The following LCLAT1 variants were observed in gnomAD, a reference collection of about 807,000 sequenced individuals.
The protein encoded by LCLAT1 is 1-AGP acyltransferase 8.
Under a neutral mutation model 30.7 loss-of-function variants are expected in LCLAT1, and 11 were observed. The ratio of observed to expected loss-of-function variants is 0.36; its 90% confidence interval spans 0.23 to 0.59. LCLAT1 has a LOEUF of 0.59. LCLAT1 is among the 20% of genes least tolerant of loss of function. The probability of loss-of-function intolerance (pLI) is 0.77; values close to 1 mark genes in which losing one functional copy is unlikely to be tolerated. For synonymous variants in LCLAT1, 155 were observed against 151.3 expected (o/e 1.02, Z -0.18); for missense variants, 402 against 458.6 (o/e 0.88, Z 1.13).
chr2:30,469,574 CTTTTTT>C (rs199634493), intron 1 of LCLAT1, among the ~76,000 whole-genome samples: 2 of 103,808 alleles, frequency 1.9e-5, no homozygotes, highest in Admixed American at 1.0e-4. Context: ...CAGGTCTCTT[CTTTTTT>C]TTTTTTTTTT....
chr2:30,623,000 A>G (rs1378464693), intron 5 of LCLAT1, among the ~76,000 whole-genome samples: 1 of 151,980 alleles, frequency 6.6e-6, no homozygotes, highest in African/African-American at 2.4e-5. Flanking sequence ...TCGACTATTA[A>G]GCTATTCAAG....
chr2:30,514,577 C>T (rs1373226617), intron 1 of LCLAT1, among the ~76,000 whole-genome samples: 2 of 152,080 alleles, frequency 1.3e-5, no homozygotes, highest in African/African-American at 4.8e-5. Flanking sequence ...GATAGGTATT[C>T]GGTGGTCAAA....
intron 5 of LCLAT1, among the ~76,000 whole-genome samples, chr2:30,611,018 T>A (rs76266203): frequency 0.036 from 5,505 of 151,874 alleles, 344 homozygotes; most frequent in African/African-American, 0.13. Context: ...CTTGATCATC[T>A]TTCCCCCAAT....
At chr2:30,535,293 T>A (rs1686188654) in intron 3 of LCLAT1, among the ~76,000 whole-genome samples, 1 of 152,156 alleles carries the variant, frequency 6.6e-6, no homozygotes, top group African/African-American at 2.4e-5. Flanking sequence ...TTCCAAAACA[T>A]TCCCTTCTGC....
chr2:30,523,740 T>G, intron 1 of LCLAT1, among the ~76,000 whole-genome samples: 1 of 152,088 alleles, frequency 6.6e-6, no homozygotes, highest in Non-Finnish European at 1.5e-5. Context: ...TGGTGGCGCG[T>G]GTCTGTAATC....
chr2:30,621,122 G>A (rs1668226746), intron 5 of LCLAT1, among the ~76,000 whole-genome samples: 1 of 152,108 alleles, frequency 6.6e-6, no homozygotes, highest in African/African-American at 2.4e-5. Context: ...TCAACCCACT[G>A]AAAGTCCTTA....
At chr2:30,572,863 C>G (rs1333657457) in intron 5 of LCLAT1, among the ~76,000 whole-genome samples, 3 of 151,632 alleles carry the variant, frequency 2.0e-5, no homozygotes, top group Non-Finnish European at 4.4e-5. Flanking sequence ...CTCCATTTCT[C>G]TAATCTTTAA....
chr2:30,640,166 C>A lies in LCLAT1; in HGVS notation c.678C>A (p.Asn226Lys). The A allele has an allele frequency of 6.2e-7, 1 of 1,614,012 alleles. No individual in the cohort carries two copies. Among genetic ancestry groups the A allele is most frequent in the Non-Finnish European group, 8.5e-7 (1 of 1,179,938 alleles). ...ATATCACTGTGGCGTATCCTCACAA[C>A]ATTCCTCAATCAGAGAAGCACCTCC... ...VHDITVAYPH[N>K]IPQSEKHLLQ... Residue 226 changes from asparagine to lysine, a missense_variant, in exon 6 of 6, where the codon AAC (asparagine) becomes AAA (lysine). Coordinates refer to ENST00000379509, the MANE Select transcript of LCLAT1 (RefSeq NM_001002257.3).
chr2:30,518,373 CT>C (rs1021626563), intron 1 of LCLAT1, among the ~76,000 whole-genome samples: 1 of 152,136 alleles, frequency 6.6e-6, no homozygotes, highest in Non-Finnish European at 1.5e-5. Context: ...TAGGAAAACT[CT>C]TGTAGAAGCA....
intron 3 of LCLAT1, among the ~76,000 whole-genome samples, chr2:30,542,312 A>ACTT (rs1664179648): frequency 6.6e-6 from 1 of 152,198 alleles, no homozygotes; most frequent in South Asian, 2.1e-4. Context: ...TAATGGTCTT[A>ACTT]CTTCTTAACT....
intron 1 of LCLAT1, among the ~76,000 whole-genome samples, chr2:30,472,472 C>G (rs1245538398): frequency 1.3e-5 from 2 of 152,148 alleles, no homozygotes; most frequent in African/African-American, 4.8e-5. Flanking sequence ...TTTATGAGGC[C>G]TACACTGGAG....
At chr2:30,534,935 C>G (rs903276637) in intron 3 of LCLAT1, among the ~76,000 whole-genome samples, 1 of 152,062 alleles carries the variant, frequency 6.6e-6, no homozygotes, top group Non-Finnish European at 1.5e-5. Flanking sequence ...AAGATTGATT[C>G]TACATGAGAT....
intron 3 of LCLAT1, among the ~76,000 whole-genome samples, chr2:30,551,376 T>A (rs1664671639): frequency 6.6e-6 from 1 of 152,276 alleles, no homozygotes; most frequent in South Asian, 2.1e-4. Context: ...TAACCACTTA[T>A]TTTTTTGGCA....
intron 1 of LCLAT1, among the ~76,000 whole-genome samples, chr2:30,456,685 G>A (rs992346055): frequency 6.6e-6 from 1 of 152,044 alleles, no homozygotes; most frequent in African/African-American, 2.4e-5. Flanking sequence ...TAAGCTGGTT[G>A]TCTGTGGTAT....
chr2:30,641,919 T>TTG lies in LCLAT1; in HGVS notation c.*1300_*1301insTG, dbSNP rs1669334538. Reference sequence around the variant, plus strand: ...TTCTTTTTTTTTTTCTTTTTTTTTTTGTCGTGTAAGAAGGATGCTGGTCAG... The same window carrying TTG: ...TTCTTTTTTTTTTTCTTTTTTTTTTTTGGTCGTGTAAGAAGGATGCTGGTCAG... On this transcript the variant is annotated 3_prime_UTR_variant, in exon 6 of 6. Transcript: ENST00000379509. 6.7e-6 allele frequency: 1 copy of TTG among 150,096 alleles called. No individual in the cohort carries two copies. Among genetic ancestry groups the TTG allele is most frequent in the Admixed American group, 6.7e-5 (1 of 14,994 alleles). 9.3% of individuals were successfully genotyped at this position (150,096 alleles called of 1,614,324 possible). A position where few individuals can be genotyped will look rare whatever the true frequency, so the allele number is the denominator to read the frequency against.
At chr2:30,594,934 C>CTT (rs1171902022) in intron 5 of LCLAT1, among the ~76,000 whole-genome samples, 1 of 152,162 alleles carries the variant, frequency 6.6e-6, no homozygotes. Flanking sequence ...CCCAATAAAT[C>CTT]ATATGCCTAA....
intron 2 of LCLAT1, among the ~76,000 whole-genome samples, chr2:30,531,878 C>A (rs1259851509): frequency 6.6e-6 from 1 of 152,090 alleles, no homozygotes; most frequent in Non-Finnish European, 1.5e-5. Context: ...TATTAAAACA[C>A]AAATGTACAA....
intron 3 of LCLAT1, among the ~76,000 whole-genome samples, chr2:30,543,114 G>A (rs1664229579): frequency 6.6e-6 from 1 of 151,974 alleles, no homozygotes; most frequent in Non-Finnish European, 1.5e-5. Context: ...TTTCACAGAT[G>A]CTCTTAATTA....
At chr2:30,611,869 G>A (rs1667756170) in intron 5 of LCLAT1, among the ~76,000 whole-genome samples, 1 of 152,210 alleles carries the variant, frequency 6.6e-6, no homozygotes, top group South Asian at 2.1e-4. Flanking sequence ...GAGGAGGTCA[G>A]AGTAGAAATG....
Sources: allele counts gnomAD v4.1 joint callset (sites outside exome capture counted in the v4.1 genomes callset), GRCh38; gene constraint gnomAD v4.1.1; transcripts MANE v1.5; gene names NCBI Gene and HGNC (gene_info 2026-07-23, HGNC 2026-07-21).